The following TMEM217 variants were observed in gnomAD, a reference collection of about 807,000 sequenced individuals.
The protein encoded by TMEM217 is chromosome 6 open reading frame 128.
For missense variants in TMEM217, 204 were observed against 248.8 expected, an observed-to-expected ratio of 0.82 and a Z score of 1.21; for synonymous variants, 76 against 88.3, an observed-to-expected ratio of 0.86 and a Z score of 0.78.
chr6:37,217,328 C>T (rs1430644604), downstream of TMEM217, among the ~76,000 whole-genome samples: 1 of 152,126 alleles, frequency 6.6e-6, no homozygotes, highest in Non-Finnish European at 1.5e-5. Flanking sequence ...AGTCTCTGGA[C>T]CTGAATGCAA....
At chr6:37,240,236 A>C (rs1463087645) in intron 1 of TMEM217, among the ~76,000 whole-genome samples, 7 of 152,242 alleles carry the variant, frequency 4.6e-5, no homozygotes, top group Admixed American at 2.6e-4. Context: ...ATCCAAGAGT[A>C]GCGTAGGTGG....
chr6:37,223,281 A>C, intron 1 of TMEM217, among the ~76,000 whole-genome samples: 1 of 152,160 alleles, frequency 6.6e-6, no homozygotes, highest in East Asian at 1.9e-4. Flanking sequence ...GATTGCTAGA[A>C]GGATAAATGA....
In TMEM217 at chr6:37,222,334, G is replaced by A. The variant is rs150290674; in HGVS notation, c.-11-3293C>T. ...GCCATCCATGGCCCCCCCAGGGCTC[G>A]ACCCCAACCCGGCTCCGAGATTTGA... On this transcript the variant is annotated intron_variant, in intron 1 of 1. Coordinates refer to ENST00000357219, the Ensembl canonical transcript of TMEM217. 7.2e-4 allele frequency among the ~76,000 whole-genome samples: 109 copies of A among 152,278 alleles called. No individual in the cohort carries two copies. In the East Asian group the frequency reaches 0.02, roughly 27 times the overall value.
At chr6:37,215,143 C>G, downstream of TMEM217, 1 of 1,602,162 alleles carries the variant, frequency 6.2e-7, no homozygotes, top group East Asian at 2.2e-5. Context: ...GGCCTAACTT[C>G]CCTTTCTGCC....
At chr6:37,226,104 ACCT>A (rs775998212) in intron 1 of TMEM217, among the ~76,000 whole-genome samples, 14 of 151,774 alleles carry the variant, frequency 9.2e-5, no homozygotes, top group Non-Finnish European at 2.1e-4. Flanking sequence ...GGGATCTAGC[ACCT>A]CCTTTGACTT....
At chr6:37,239,394 G>A (rs757404348) in intron 1 of TMEM217, among the ~76,000 whole-genome samples, 16 of 151,952 alleles carry the variant, frequency 1.1e-4, no homozygotes, top group Non-Finnish European at 1.8e-4. Flanking sequence ...AGGACTGCTT[G>A]AGCCCAGGAG....
chr6:37,213,904 G>T (rs1763044292), downstream of TMEM217, among the ~76,000 whole-genome samples: 1 of 152,186 alleles, frequency 6.6e-6, no homozygotes, highest in Admixed American at 6.5e-5. Context: ...CAAAGGAAGG[G>T]GCACAGTCAC....
chr6:37,239,064 A>T (rs1025718197), intron 1 of TMEM217, among the ~76,000 whole-genome samples: 1 of 152,180 alleles, frequency 6.6e-6, no homozygotes, highest in Admixed American at 6.6e-5. Context: ...TAAGAGGTGG[A>T]GAGGTTGCAG....
At chr6:37,230,951 GT>G (rs956226940) in intron 1 of TMEM217, among the ~76,000 whole-genome samples, 17 of 152,208 alleles carry the variant, frequency 1.1e-4, no homozygotes, top group African/African-American at 4.1e-4. Flanking sequence ...GTTATTGTTT[GT>G]TTTTGTTGTT....
intron 1 of TMEM217, among the ~76,000 whole-genome samples, chr6:37,237,361 C>T (rs1764556326): frequency 6.6e-6 from 1 of 152,182 alleles, no homozygotes; most frequent in South Asian, 2.1e-4. Flanking sequence ...ATGAAGGGCT[C>T]TCTGTGTGCA....
At chr6:37,219,454 C>T (rs1198233511) in intron 1 of TMEM217, among the ~76,000 whole-genome samples, 3 of 152,094 alleles carry the variant, frequency 2.0e-5, no homozygotes, top group Admixed American at 6.6e-5. Context: ...TTAAATTATG[C>T]TCTTAGCTGG....
At chr6:37,212,784 G>T (rs1175768736), downstream of TMEM217, 1 of 715,210 alleles carries the variant, frequency 1.4e-6, no homozygotes, top group East Asian at 2.7e-5. Flanking sequence ...TGAGGGAGAG[G>T]CCAGTGCTGA....
At chr6:37,245,803 TC>T (rs373761682) in intron 1 of TMEM217, among the ~76,000 whole-genome samples, 28 of 36,896 alleles carry the variant, frequency 7.6e-4, no homozygotes, top group African/African-American at 2.0e-3. Context: ...TTTCTTTCTT[TC>T]TTTTTTTTTT....
intron 1 of TMEM217, among the ~76,000 whole-genome samples, chr6:37,227,620 A>G (rs1210374786): frequency 6.6e-6 from 1 of 151,766 alleles, no homozygotes; most frequent in East Asian, 1.9e-4. Flanking sequence ...CTAATTTTGT[A>G]TTTTTAGTAG....
At chr6:37,236,273 C>A (rs1464866733) in intron 1 of TMEM217, among the ~76,000 whole-genome samples, 1 of 152,186 alleles carries the variant, frequency 6.6e-6, no homozygotes, top group Non-Finnish European at 1.5e-5. Flanking sequence ...CAGGCATGAG[C>A]CACTGTGCCT....
At chr6:37,257,828 G>A (rs1218752318) in exon 1 of TMEM217, 4 of 1,453,568 alleles carry the variant, frequency 2.8e-6, no homozygotes, top group Non-Finnish European at 3.7e-6. Context: ...CGGGGAAGCG[G>A]CCTGGGTTGG....
At chr6:37,215,306 A>C (rs200083722), downstream of TMEM217, 1,288 of 1,608,816 alleles carry the variant, frequency 8.0e-4, 14 homozygotes, top group Admixed American at 5.8e-4. Flanking sequence ...AAAACAAATG[A>C]ATAAAAATTG....
intron 1 of TMEM217, among the ~76,000 whole-genome samples, chr6:37,231,734 A>G (rs1443106507): frequency 6.8e-6 from 1 of 147,288 alleles, no homozygotes; most frequent in Non-Finnish European, 1.5e-5. Context: ...TCTTTTATAT[A>G]TATATTATAT....
chr6:37,219,001 A>C (rs1763378023), exon 2 of TMEM217: 1 of 1,614,024 alleles, frequency 6.2e-7, no homozygotes. Context: ...CCATTTTGGC[A>C]GTCATCCCAC....
Sources: gnomAD v4.1 joint callset for allele counts (sites outside exome capture counted in the v4.1 genomes callset) on GRCh38, gnomAD v4.1.1 for gene constraint, MANE v1.5 for transcripts, NCBI Gene and HGNC (gene_info 2026-07-23, HGNC 2026-07-21) for gene names.